NDUFAF2: variants seen among roughly 807,000 people sequenced by gnomAD.
The protein encoded by NDUFAF2 is NADH:ubiquinone oxidoreductase complex assembly factor 2, also known as NADH dehydrogenase [ubiquinone] 1 alpha subcomplex assembly factor 2.
In NDUFAF2, 13 loss-of-function variants were observed where a neutral mutation model predicts 22.8. The observed-to-expected ratio is 0.57, with a 90% CI of 0.37 to 0.91. The LOEUF (loss-of-function observed/expected upper bound fraction) is 0.91. Ranked by LOEUF, NDUFAF2 falls within the 40% of genes least tolerant of loss-of-function variation. The pLI, the probability that NDUFAF2 is intolerant of heterozygous loss-of-function variation, is 0.01. For missense variants in NDUFAF2, 162 were observed against 195.2 expected (o/e 0.83, Z 1.01); for synonymous variants, 53 against 64.2 (o/e 0.83, Z 0.84).
At chr5:60,949,318 A>G (rs158916) in intron 1 of NDUFAF2, among the ~76,000 whole-genome samples, 22,590 of 152,162 alleles carry the variant, frequency 0.15, 2,141 homozygotes, top group South Asian at 0.28. Context: ...TAACCTTTTG[A>G]ACCTGGCTTC....
intron 3 of NDUFAF2, among the ~76,000 whole-genome samples, 194 bp downstream of exon 3, chr5:61,099,226 C>T (rs1752678223): frequency 6.6e-6 from 1 of 150,484 alleles, no homozygotes; most frequent in South Asian, 2.1e-4. Flanking sequence ...AATAAATGCT[C>T]ATATTATGGA....
At chr5:61,066,370 T>C (rs1223253558) in intron 1 of NDUFAF2, among the ~76,000 whole-genome samples, 1 of 152,066 alleles carries the variant, frequency 6.6e-6, no homozygotes, top group African/African-American at 2.4e-5. Context: ...AAAATTTGTA[T>C]AGAACCATAA....
chr5:61,063,382 C>T (rs1752190404), intron 1 of NDUFAF2, among the ~76,000 whole-genome samples: 1 of 151,342 alleles, frequency 6.6e-6, no homozygotes, highest in Non-Finnish European at 1.5e-5. Context: ...GTGGCACACA[C>T]AAGCTACTCT....
intron 3 of NDUFAF2, among the ~76,000 whole-genome samples, chr5:61,150,237 A>G (rs1017765618): frequency 6.6e-6 from 1 of 151,996 alleles, no homozygotes; most frequent in African/African-American, 2.4e-5. Flanking sequence ...TGGCCCTTCA[A>G]TTCCAAATAT....
At chr5:61,129,541 G>A (rs1212571337) in intron 3 of NDUFAF2, among the ~76,000 whole-genome samples, 2 of 150,056 alleles carry the variant, frequency 1.3e-5, no homozygotes, top group African/African-American at 2.5e-5. Context: ...CTATTGCAAG[G>A]ACAAAAAACC....
chr5:61,029,669 C>T (rs763384375), intron 1 of NDUFAF2, among the ~76,000 whole-genome samples: 6 of 152,144 alleles, frequency 3.9e-5, no homozygotes, highest in Non-Finnish European at 7.3e-5. Context: ...CAGAATGCGA[C>T]GTGCACCAGT....
At chr5:61,047,585 C>T (rs1751969288) in intron 1 of NDUFAF2, among the ~76,000 whole-genome samples, 1 of 152,138 alleles carries the variant, frequency 6.6e-6, no homozygotes, top group Non-Finnish European at 1.5e-5. Flanking sequence ...ACTAGATGCA[C>T]ATTGCTCTTG....
At chr5:61,101,926 T>G (rs1281368919) in intron 3 of NDUFAF2, among the ~76,000 whole-genome samples, 1 of 152,178 alleles carries the variant, frequency 6.6e-6, no homozygotes, top group Non-Finnish European at 1.5e-5. Context: ...GTAGTTCTTA[T>G]GCTTTTATTT....
At chr5:61,002,705 G>A (rs1316564977) in intron 1 of NDUFAF2, among the ~76,000 whole-genome samples, 1 of 152,106 alleles carries the variant, frequency 6.6e-6, no homozygotes, top group Non-Finnish European at 1.5e-5. Context: ...TTTTGTATCT[G>A]GAGTGATGCA....
chr5:61,066,237 G>A (rs989977242), intron 1 of NDUFAF2, among the ~76,000 whole-genome samples: 15 of 152,020 alleles, frequency 9.9e-5, no homozygotes, highest in Non-Finnish European at 7.4e-5. Flanking sequence ...GATATCCCAT[G>A]CTCATGGATC....
intron 1 of NDUFAF2, among the ~76,000 whole-genome samples, chr5:60,977,602 G>A (rs938261253): frequency 2.0e-5 from 3 of 152,006 alleles, no homozygotes; most frequent in Admixed American, 1.3e-4. Context: ...TTGGAAGGCC[G>A]AGGTGAGCAG....
chr5:61,057,788 A>G (rs2111709995), intron 1 of NDUFAF2, among the ~76,000 whole-genome samples: 1 of 152,330 alleles, frequency 6.6e-6, no homozygotes, highest in East Asian at 1.9e-4. Context: ...CACAAATACT[A>G]GTGTAGTTCC....
At chr5:61,099,393 A>C (rs1752680185) in intron 3 of NDUFAF2, among the ~76,000 whole-genome samples, 1 of 151,310 alleles carries the variant, frequency 6.6e-6, no homozygotes, top group East Asian at 1.9e-4. Context: ...CTTTTGTGGA[A>C]AAGTTTGAGA....
intron 3 of NDUFAF2, among the ~76,000 whole-genome samples, chr5:61,104,386 T>C (rs1174404323): frequency 6.6e-6 from 1 of 152,046 alleles, no homozygotes; most frequent in Non-Finnish European, 1.5e-5. Context: ...AATTATATGG[T>C]TTATTATAGG....
intron 1 of NDUFAF2, among the ~76,000 whole-genome samples, chr5:61,000,942 G>A (rs532862714): frequency 2.0e-5 from 3 of 152,234 alleles, no homozygotes; most frequent in Admixed American, 1.3e-4. Flanking sequence ...ATAAGAGAGA[G>A]CATTGGAATG....
chr5:61,029,335 C>A (rs868251468), intron 1 of NDUFAF2, among the ~76,000 whole-genome samples: 10 of 152,138 alleles, frequency 6.6e-5, no homozygotes, highest in African/African-American at 1.9e-4. Flanking sequence ...GATTGCCATG[C>A]GTGTTGAATT....
chr5:61,001,778 C>T (rs1331650642), intron 1 of NDUFAF2, among the ~76,000 whole-genome samples: 1 of 152,118 alleles, frequency 6.6e-6, no homozygotes, highest in Admixed American at 6.6e-5. Flanking sequence ...TCTCAGGCAT[C>T]ATCCACATCC....
intron 1 of NDUFAF2, among the ~76,000 whole-genome samples, chr5:61,041,647 T>G (rs1245553743): frequency 7.2e-5 from 11 of 152,222 alleles, no homozygotes; most frequent in African/African-American, 2.7e-4. Flanking sequence ...AAGCAACGTT[T>G]AGTTTATCCA....
chr5:61,081,529 C>G (rs984814690), intron 2 of NDUFAF2, among the ~76,000 whole-genome samples: 4 of 152,102 alleles, frequency 2.6e-5, no homozygotes, highest in African/African-American at 9.7e-5. Context: ...GGATTTGCCC[C>G]AATCTCTTTA....
Sources: allele counts gnomAD v4.1 joint callset (sites outside exome capture counted in the v4.1 genomes callset), GRCh38; gene constraint gnomAD v4.1.1; transcripts MANE v1.5; gene names NCBI Gene and HGNC (gene_info 2026-07-23, HGNC 2026-07-21).